The following SGCG variants were observed in gnomAD, a reference collection of about 807,000 sequenced individuals.
SGCG encodes sarcoglycan gamma.
A neutral mutation model predicts 29.3 loss-of-function variants in SGCG; 26 were observed. The ratio of observed to expected loss-of-function variants is 0.89; its 90% CI spans 0.65 to 1.23. The LOEUF is 1.23. SGCG is among the 50% of genes most tolerant of loss of function. The pLI, the probability that SGCG is intolerant of heterozygous loss-of-function variation, is 0.00. For synonymous variants in SGCG, 145 were observed against 129.7 expected (o/e 1.12, Z -0.80); for missense variants, 353 against 356.0 (o/e 0.99, Z 0.07).
chr13:23,311,126 G>A (rs1315462851), intron 6 of SGCG, among the ~76,000 whole-genome samples: 1 of 152,104 alleles, frequency 6.6e-6, no homozygotes, highest in Non-Finnish European at 1.5e-5. Flanking sequence ...TGCTGGTTAG[G>A]CTGAGCCAGA....
rs1881870022 is a variant in SGCG at position 23,295,453 on chromosome 13, C to A, written c.544C>A (p.Pro182Thr). 1 of 1,613,976 alleles carries A rather than the reference C, an allele frequency of 6.2e-7. No homozygotes were observed. Among genetic ancestry groups the A allele is most frequent in the South Asian group, 1.1e-5 (1 of 91,072 alleles). The change falls in exon 6 of 8, where the codon CCC becomes ACC. Residue 182 changes from proline (P) to threonine (T), a missense_variant. Physicochemically the swap from Pro to Thr is conservative, Grantham distance 38. Coordinates refer to ENST00000218867, the MANE Select transcript of SGCG (RefSeq NM_000231.3). Reference sequence around the variant, plus strand: ...TCTTTTTGAACATTCAGTGGAGACACCCCTTGTCAGAGCCGACCCGTTTCA... The same window carrying A: ...TCTTTTTGAACATTCAGTGGAGACAACCCTTGTCAGAGCCGACCCGTTTCA... ...GALFEHSVETPLVRADPFQDL... is the reference protein window; with the variant it reads ...GALFEHSVETTLVRADPFQDL...
chr13:23,255,777 C>T (rs1242786972), intron 4 of SGCG, among the ~76,000 whole-genome samples: 1 of 152,116 alleles, frequency 6.6e-6, no homozygotes, highest in Non-Finnish European at 1.5e-5. Flanking sequence ...CATGCCTTTC[C>T]TACTTGGAAA....
chr13:23,226,314 GA>G (rs935277472), intron 2 of SGCG, among the ~76,000 whole-genome samples: 15 of 151,010 alleles, frequency 9.9e-5, no homozygotes, highest in Admixed American at 2.0e-4. Flanking sequence ...AAGCTGATAT[GA>G]AAAAAAATTA....
chr13:23,206,442 T>G (rs1318929704), intron 2 of SGCG, among the ~76,000 whole-genome samples: 1 of 152,230 alleles, frequency 6.6e-6, no homozygotes. Flanking sequence ...TATTTCACTT[T>G]GCATAATGTC....
chr13:23,222,108 G>A (rs4770412), intron 2 of SGCG, among the ~76,000 whole-genome samples: 117,356 of 152,070 alleles, frequency 0.77, 45,472 homozygotes, highest in East Asian at 0.92. Context: ...GTTTCCCCAT[G>A]TATCAGATTT....
chr13:23,242,717 G>GCAAA (rs1879556493), intron 3 of SGCG, among the ~76,000 whole-genome samples: 1 of 152,200 alleles, frequency 6.6e-6, no homozygotes, highest in East Asian at 1.9e-4. Flanking sequence ...TTTTAGAAAT[G>GCAAA]ATATAGTGGT....
chr13:23,304,659 A>C (rs1410239165), intron 6 of SGCG, among the ~76,000 whole-genome samples: 4 of 151,848 alleles, frequency 2.6e-5, no homozygotes, highest in Admixed American at 2.0e-4. Context: ...GCTGGAGTGC[A>C]GTGGCAGGAT....
At chr13:23,284,011 G>T (rs894845085) in intron 5 of SGCG, among the ~76,000 whole-genome samples, 1 of 152,154 alleles carries the variant, frequency 6.6e-6, no homozygotes, top group East Asian at 1.9e-4. Flanking sequence ...TAGGTAACCC[G>T]ACCTTTCTCT....
rs1422298237 is a variant in SGCG at position 23,300,703 on chromosome 13, CAT to C, written c.578+5218_578+5219del. On this transcript the variant is annotated intron_variant, in intron 6 of 7. Transcript: ENST00000218867. ...AAACTGCACCAAAGTCTGTGAAACT[CAT>C]AGAACCATTTAAAAACAGAGAGAAA... Among the ~76,000 whole-genome samples, 3 of 149,032 alleles carry C rather than the reference CAT, an allele frequency of 2.0e-5. No homozygotes were observed. The East Asian group carries it at 6.1e-4, about 30-fold the overall frequency.
At chr13:23,179,115 T>A (rs943696759), upstream of SGCG, among the ~76,000 whole-genome samples, 4 of 152,232 alleles carry the variant, frequency 2.6e-5, no homozygotes, top group Admixed American at 1.3e-4. Flanking sequence ...TACACCTAAA[T>A]GACTGTTAGA....
upstream of SGCG, among the ~76,000 whole-genome samples, chr13:23,178,325 G>A (rs1009273034): frequency 6.6e-6 from 1 of 152,202 alleles, no homozygotes; most frequent in Non-Finnish European, 1.5e-5. Flanking sequence ...TTAGTGACTG[G>A]TAGACTGGTG....
At chr13:23,311,386 G>T (rs1882593614) in intron 6 of SGCG, among the ~76,000 whole-genome samples, 1 of 152,188 alleles carries the variant, frequency 6.6e-6, no homozygotes, top group African/African-American at 2.4e-5. Flanking sequence ...AAAATTATTA[G>T]CCATAGTTCT....
Position 23,218,079 on chromosome 13 carries a change from G to A in SGCG, c.195+14190G>A, listed in dbSNP as rs755917980. On this transcript the variant is annotated intron_variant, in intron 2 of 7. Transcript: ENST00000218867. ...AAATGCAACAACAGAGTTAAATAAGGAATAGAAGTAGATTAATGGAAGATG... is the reference window on the plus strand; with the variant it reads ...AAATGCAACAACAGAGTTAAATAAGAAATAGAAGTAGATTAATGGAAGATG... Among the ~76,000 whole-genome samples, 31 of 152,052 alleles carry A rather than the reference G, an allele frequency of 2.0e-4. 1 individual carries two copies. Among genetic ancestry groups the A allele is most frequent in the Non-Finnish European group, 4.1e-4 (28 of 67,988 alleles).
chr13:23,167,618 G>A, the SGCG span, among the ~76,000 whole-genome samples: 1 of 152,096 alleles, frequency 6.6e-6, no homozygotes, highest in Non-Finnish European at 1.5e-5. Flanking sequence ...ACAGTATCTT[G>A]TTGTAGTTTT....
chr13:23,194,091 G>C (rs2137485058), intron 1 of SGCG, among the ~76,000 whole-genome samples: 1 of 152,286 alleles, frequency 6.6e-6, no homozygotes, highest in South Asian at 2.1e-4. Context: ...ATTGGATTTG[G>C]AAGCAAGGAG....
At chr13:23,247,911 C>T (rs1445637670) in intron 3 of SGCG, among the ~76,000 whole-genome samples, 5 of 148,850 alleles carry the variant, frequency 3.4e-5, no homozygotes, top group Non-Finnish European at 5.9e-5. Flanking sequence ...TATACTCACA[C>T]CACTGGACTC....
chr13:23,252,781 G>A (rs971079099), intron 4 of SGCG, among the ~76,000 whole-genome samples: 5 of 152,094 alleles, frequency 3.3e-5, no homozygotes, highest in Non-Finnish European at 7.4e-5. Context: ...GTGGATTTTC[G>A]TATATTATGC....
intron 4 of SGCG, among the ~76,000 whole-genome samples, chr13:23,257,014 A>G (rs955251765): frequency 6.6e-6 from 1 of 152,118 alleles, no homozygotes; most frequent in African/African-American, 2.4e-5. Flanking sequence ...AAGCATTCCT[A>G]TTTCTCCACA....
intron 1 of SGCG, among the ~76,000 whole-genome samples, chr13:23,188,198 C>G (rs1877069317): frequency 6.6e-6 from 1 of 151,700 alleles, no homozygotes; most frequent in South Asian, 2.1e-4. Flanking sequence ...CTTTACTTTG[C>G]AGGGGATTTC....
Sources: allele counts gnomAD v4.1 joint callset (sites outside exome capture counted in the v4.1 genomes callset), GRCh38; gene constraint gnomAD v4.1.1; transcripts MANE v1.5; gene names NCBI Gene and HGNC (gene_info 2026-07-23, HGNC 2026-07-21).